The following PRKCE variants were observed in gnomAD, a reference collection of about 807,000 sequenced individuals.
The protein encoded by PRKCE is protein kinase C epsilon type.
In PRKCE, 16 loss-of-function variants were observed where a neutral mutation model predicts 85.4. The ratio of observed to expected loss-of-function variants is 0.19; its 90% CI spans 0.13 to 0.28. The LOEUF (loss-of-function observed/expected upper bound fraction) is 0.28. Ranked by LOEUF, PRKCE falls within the 10% of genes least tolerant of loss-of-function variation. The pLI is 1.00. For synonymous variants in PRKCE, 388 were observed against 371.5 expected, an observed-to-expected ratio of 1.04 and a Z score of -0.51; for missense variants, 573 against 975.2, an observed-to-expected ratio of 0.59 and a Z score of 5.49.
intron 2 of PRKCE, among the ~76,000 whole-genome samples, chr2:45,856,479 C>A (rs953216025): frequency 6.6e-6 from 1 of 152,232 alleles, no homozygotes; most frequent in East Asian, 1.9e-4. Context: ...GATCCACCCA[C>A]CTCGGCCTCC....
intron 1 of PRKCE, among the ~76,000 whole-genome samples, chr2:45,653,237 A>T: frequency 6.6e-6 from 1 of 152,192 alleles, no homozygotes. Context: ...AATTGATTCC[A>T]TTATTAAACT....
chr2:45,899,127 A>G (rs980860478), intron 2 of PRKCE, among the ~76,000 whole-genome samples: 1 of 152,226 alleles, frequency 6.6e-6, no homozygotes, highest in Non-Finnish European at 1.5e-5. Flanking sequence ...TTTTGAGTGA[A>G]AGGAGACTGA....
chr2:45,920,265 A>G (rs1329608128), intron 2 of PRKCE, among the ~76,000 whole-genome samples: 2 of 152,204 alleles, frequency 1.3e-5, no homozygotes, highest in South Asian at 2.1e-4. Context: ...TGGAGTGCAC[A>G]CTGAGGCCTC....
At chr2:46,077,851 C>A (rs1481654093) in intron 10 of PRKCE, among the ~76,000 whole-genome samples, 1 of 152,224 alleles carries the variant, frequency 6.6e-6, no homozygotes, top group East Asian at 1.9e-4. Flanking sequence ...TTCTGGGACA[C>A]TGACTAGACA....
At chr2:45,734,960 C>T (rs558287939) in intron 1 of PRKCE, among the ~76,000 whole-genome samples, 2 of 152,368 alleles carry the variant, frequency 1.3e-5, no homozygotes, top group Non-Finnish European at 1.5e-5. Context: ...GTTACAGCTG[C>T]GTCGCAGCCC....
intron 2 of PRKCE, among the ~76,000 whole-genome samples, chr2:45,952,786 G>A (rs1700714044): frequency 6.6e-6 from 1 of 152,224 alleles, no homozygotes; most frequent in African/African-American, 2.4e-5. Flanking sequence ...TATAGAAAAA[G>A]TAGGAACACT....
At chr2:45,719,846 G>C (rs973322972) in intron 1 of PRKCE, among the ~76,000 whole-genome samples, 1 of 152,146 alleles carries the variant, frequency 6.6e-6, no homozygotes, top group Non-Finnish European at 1.5e-5. Context: ...GATCACTTGA[G>C]CCCAGGAGTT....
At chr2:46,089,449 C>T (rs1159953357) in intron 11 of PRKCE, among the ~76,000 whole-genome samples, 1 of 152,164 alleles carries the variant, frequency 6.6e-6, no homozygotes, top group Non-Finnish European at 1.5e-5. Context: ...GTTTTCTGCC[C>T]TCCAGTCTAT....
intron 1 of PRKCE, among the ~76,000 whole-genome samples, chr2:45,749,039 A>G (rs1180869672): frequency 6.6e-6 from 1 of 152,016 alleles, no homozygotes; most frequent in African/African-American, 2.4e-5. Flanking sequence ...ATAGGCATGC[A>G]CCACCATGCC....
At chr2:45,831,704 T>C (rs1438910629) in intron 1 of PRKCE, among the ~76,000 whole-genome samples, 1 of 152,202 alleles carries the variant, frequency 6.6e-6, no homozygotes, top group Non-Finnish European at 1.5e-5. Flanking sequence ...ATACACATTT[T>C]ATTTAGGGAC....
intron 1 of PRKCE, among the ~76,000 whole-genome samples, chr2:45,718,597 C>T (rs142031707): frequency 0.017 from 2,521 of 152,134 alleles, 69 homozygotes; most frequent in African/African-American, 0.058. Flanking sequence ...CCACCTCGGC[C>T]TCCCAAAGTG....
chr2:45,836,888 C>A (rs1357282812), intron 1 of PRKCE, among the ~76,000 whole-genome samples: 1 of 152,214 alleles, frequency 6.6e-6, no homozygotes, highest in African/African-American at 2.4e-5. Context: ...CCTTTTGCCT[C>A]TCTCCACGCC....
intron 11 of PRKCE, among the ~76,000 whole-genome samples, chr2:46,095,328 C>T (rs1670579379): frequency 6.6e-6 from 1 of 152,182 alleles, no homozygotes. Flanking sequence ...ATTAGAGGAC[C>T]CGGCTTCCAG....
intron 1 of PRKCE, among the ~76,000 whole-genome samples, chr2:45,699,781 GGA>G (rs1678466076): frequency 6.6e-6 from 1 of 152,222 alleles, no homozygotes; most frequent in Admixed American, 6.5e-5. Context: ...GTGGCTTAGA[GGA>G]GACTGTGCTG....
Position 45,843,003 on chromosome 2 carries a change from G to C in PRKCE, c.352G>C (p.Asp118His). ...NGSRHFEDWI[D>H]LEPEGRVYVI... The stretch of plus-strand genomic sequence containing the variant: ...ACTGTCATTTTCTTAATTGCAGATT[G>C]ATCTGGAGCCAGAAGGAAGAGTGTA... The change falls in exon 2 of 15, where the codon GAT (aspartate) becomes CAT (histidine). Residue 118 changes from aspartate (D) to histidine (H), a missense_variant. Around this residue, in one of 11 missense-constraint regions of PRKCE, gnomAD observed 100 missense variants for 177.1 expected, o/e 0.56. Coordinates refer to ENST00000306156, the MANE Select transcript of PRKCE (RefSeq NM_005400.3). The C allele has an allele frequency of 6.2e-7, 1 of 1,614,098 alleles. No individual in the cohort carries two copies. Among genetic ancestry groups the C allele is most frequent in the Non-Finnish European group, 8.5e-7 (1 of 1,179,972 alleles).
At chr2:45,942,279 G>C (rs1699939096) in intron 2 of PRKCE, among the ~76,000 whole-genome samples, 1 of 152,152 alleles carries the variant, frequency 6.6e-6, no homozygotes, top group African/African-American at 2.4e-5. Flanking sequence ...TCTGGCCAAA[G>C]ACAATGCTTA....
At chr2:45,742,916 T>C (rs1682698074) in intron 1 of PRKCE, among the ~76,000 whole-genome samples, 1 of 152,244 alleles carries the variant, frequency 6.6e-6, no homozygotes, top group Non-Finnish European at 1.5e-5. Context: ...GGAAGGATTT[T>C]AAAAATGGAA....
intron 1 of PRKCE, among the ~76,000 whole-genome samples, chr2:45,754,014 G>A (rs1352022246): frequency 4.6e-5 from 7 of 152,154 alleles, no homozygotes; most frequent in Non-Finnish European, 5.9e-5. Flanking sequence ...ATGAGGAGAT[G>A]AACAAGGCCT....
intron 2 of PRKCE, among the ~76,000 whole-genome samples, chr2:45,902,570 G>A (rs556466813): frequency 6.6e-5 from 10 of 152,348 alleles, no homozygotes; most frequent in Admixed American, 5.9e-4. Flanking sequence ...AGTCAGAAAT[G>A]AGGAACTGGC....
Sources: allele counts gnomAD v4.1 joint callset (sites outside exome capture counted in the v4.1 genomes callset), GRCh38; gene constraint gnomAD v4.1.1; regional missense constraint gnomAD v4.1.1; transcripts MANE v1.5; gene names NCBI Gene and HGNC (gene_info 2026-07-23, HGNC 2026-07-21).